Variants in MINPP1 observed in about 807,000 individuals in gnomAD.
MINPP1 encodes multiple inositol polyphosphate phosphatase 1.
A neutral mutation model predicts 46.1 loss-of-function variants in MINPP1; 28 were observed. The observed-to-expected ratio is 0.61, with a 90% CI of 0.45 to 0.83. The LOEUF (loss-of-function observed/expected upper bound fraction) is 0.83, where lower values mean the gene tolerates loss of function less well. Ranked by LOEUF, MINPP1 falls within the 40% of genes least tolerant of loss-of-function variation. MINPP1 has a pLI of 0.00. For missense variants in MINPP1, 603 were observed against 610.0 expected (o/e 0.99, Z 0.12); for synonymous variants, 268 against 249.1 (o/e 1.08, Z -0.72).
At chr10:87,537,511 T>TCTCTGTG (rs113605763) in intron 4 of MINPP1, among the ~76,000 whole-genome samples, 1 of 85,106 alleles carries the variant, frequency 1.2e-5, no homozygotes, top group African/African-American at 3.1e-5. Flanking sequence ...TTATTACTGT[T>TCTCTGTG]TGTGTGTGTG....
chr10:87,521,174 G>A lies in MINPP1; in HGVS notation c.1067+5G>A, dbSNP rs1851495754. The A allele has an allele frequency of 6.2e-7, 1 of 1,609,546 alleles. No homozygotes were observed. Among genetic ancestry groups the A allele is most frequent in the African/African-American group, 1.3e-5 (1 of 74,806 alleles). On this transcript the variant is annotated splice_donor_5th_base_variant and intron_variant, in intron 4 of 4. Coordinates refer to ENST00000371996, the MANE Select transcript of MINPP1 (RefSeq NM_004897.5). ...AGCAGTTGAACAGAAACAAAGGTAA[G>A]AACTTTCTAAAAAATGTGAAGTACA...
intron 2 of MINPP1, chr10:87,509,798 G>A (rs1851309569): frequency 7.7e-6 from 2 of 259,858 alleles, no homozygotes; most frequent in South Asian, 3.7e-5. Context: ...TTGATGTAAT[G>A]TTTGCAATTC....
In MINPP1 at chr10:87,517,354, C is replaced by T. The variant is rs141824566; in HGVS notation, c.934-3682C>T. ...AGACATTTCTCAGGATTCCGTAAAA[C>T]ATGTACCTGTAGCAGAGTATTAGAG... On this transcript the variant is annotated intron_variant, in intron 3 of 4. Transcript: ENST00000371996. 5.5e-3 allele frequency among the ~76,000 whole-genome samples: 836 copies of T among 152,132 alleles called. 12 individuals carry two copies. Among genetic ancestry groups the T allele is most frequent in the African/African-American group, 0.019 (784 of 41,484 alleles).
intron 4 of MINPP1, among the ~76,000 whole-genome samples, chr10:87,550,111 G>C (rs937901335): frequency 5.3e-5 from 8 of 152,112 alleles, no homozygotes; most frequent in African/African-American, 1.9e-4. Context: ...ATGGTCTTAC[G>C]GGTATATATG....
Position 87,552,360 on chromosome 10 carries a change from A to G in MINPP1, c.1346A>G (p.Gln449Arg). The G allele has an allele frequency of 6.2e-7, 1 of 1,613,712 alleles. No individual in the cohort carries two copies. ...NEKVLPLAYS[Q>R]ETVSFYEDLK... ...AAGGTGTTACCTTTGGCTTACTCAC[A>G]AGAAACTGTTTCATTTTATGAAGAT... Residue 449 changes from glutamine (Q) to arginine (R), a missense_variant, in exon 5 of 5, where the codon CAA becomes CGA. By Grantham distance (43) the Gln-to-Arg change is conservative. Transcript: ENST00000371996.
chr10:87,552,501 T>A lies in MINPP1; in HGVS notation c.*23T>A, dbSNP rs1285543719. On this transcript the variant is annotated 3_prime_UTR_variant, in exon 5 of 5. Transcript: ENST00000371996. ...TGAGTAACTGAAGAACATTTTTAATTCTTTAGGAATCTGCAATGAGTGATT... is the reference window on the plus strand; with the variant it reads ...TGAGTAACTGAAGAACATTTTTAATACTTTAGGAATCTGCAATGAGTGATT... 2 of 1,606,938 alleles carry A rather than the reference T, an allele frequency of 1.2e-6. No individual in the cohort carries two copies. The highest frequency in any genetic ancestry group is 1.7e-5 in the Admixed American group (1 of 59,894).
chr10:87,518,259 CT>C lies in MINPP1; in HGVS notation c.934-2765del, dbSNP rs75624180. 8.8e-3 allele frequency among the ~76,000 whole-genome samples: 1,273 copies of C among 144,698 alleles called. 20 individuals are homozygous for C. Among genetic ancestry groups the C allele is most frequent in the African/African-American group, 0.026 (1,036 of 39,888 alleles). 94.9% of individuals were successfully genotyped at this position (144,698 alleles called of 152,430 possible). On this transcript the variant is annotated intron_variant, in intron 3 of 4. Transcript: ENST00000371996. ...CAGGCGTGAGCCACCGCACCCGGCC[CT>C]TTTTTTTTTTTAAATATAAAGTTTT... is the stretch of plus-strand genomic sequence containing the variant.
chr10:87,512,200 C>A (rs1851344623), intron 2 of MINPP1, among the ~76,000 whole-genome samples: 1 of 152,118 alleles, frequency 6.6e-6, no homozygotes, highest in Non-Finnish European at 1.5e-5. Flanking sequence ...TTTTATAGCC[C>A]AAGCATTCAT....
chr10:87,532,813 T>C (rs971199400), intron 4 of MINPP1, among the ~76,000 whole-genome samples: 1 of 152,212 alleles, frequency 6.6e-6, no homozygotes, highest in Non-Finnish European at 1.5e-5. Context: ...AATGGACTTT[T>C]AAAAGTAATT....
Position 87,513,241 on chromosome 10 carries a change from T to G in MINPP1, c.933+20T>G, listed in dbSNP as rs1455112670. The G allele has an allele frequency of 4.4e-6, 7 of 1,594,478 alleles. No individual in the cohort carries two copies. Among genetic ancestry groups the G allele is most frequent in the Non-Finnish European group, 6.0e-6 (7 of 1,164,360 alleles). On this transcript the variant is annotated intron_variant, in intron 3 of 4. Coordinates refer to ENST00000371996, the MANE Select transcript of MINPP1 (RefSeq NM_004897.5). ...GCAAAGGTAAGTATTATTTTTGCAG[T>G]TTCTTTGCTTTTTTAAAAAAATTTT...
At chr10:87,521,357 C>T (rs1437126476) in intron 4 of MINPP1, among the ~76,000 whole-genome samples, 188 bp downstream of exon 4, 1 of 152,084 alleles carries the variant, frequency 6.6e-6, no homozygotes, top group Non-Finnish European at 1.5e-5. Flanking sequence ...TCCACTCTAC[C>T]CAAGAACTAG....
Position 87,505,537 on chromosome 10 carries a change from C to A in MINPP1, c.622C>A (p.Pro208Thr). 1 of 1,607,658 alleles carries A rather than the reference C, an allele frequency of 6.2e-7. No homozygotes were observed. Among genetic ancestry groups the A allele is most frequent in the Non-Finnish European group, 8.5e-7 (1 of 1,179,236 alleles). ...GCAGCACTACCACCCTGGCTTGCCG[C>A]CGCCGGACGTCGCAGGTGACCCCCC... ...LWQHYHPGLPPPDVADMEFGP... is the reference protein window; with the variant it reads ...LWQHYHPGLPTPDVADMEFGP... Residue 208 changes from proline to threonine, a missense_variant, in exon 1 of 5, where the codon CCG (proline) becomes ACG (threonine). By Grantham distance (38) the Pro-to-Thr change is conservative. Transcript: ENST00000371996. The surrounding 1 kb of genome is among the most constrained non-coding windows in gnomAD (Gnocchi z 4.4).
chr10:87,505,178 G>C lies in MINPP1; in HGVS notation c.263G>C (p.Arg88Pro). 5.0e-6 allele frequency: 8 copies of C among 1,609,178 alleles called. No individual in the cohort carries two copies. Among genetic ancestry groups the C allele is most frequent in the Non-Finnish European group, 6.8e-6 (8 of 1,177,916 alleles). Residue 88 changes from arginine to proline, a missense_variant, in exon 1 of 5, where the codon CGC becomes CCC. Around this residue, in one of 3 missense-constraint regions of MINPP1, gnomAD observed 239 missense variants for 189.4 expected, o/e 1.26. Coordinates refer to ENST00000371996, the MANE Select transcript of MINPP1 (RefSeq NM_004897.5). The surrounding 1 kb of genome is among the most constrained non-coding windows in gnomAD (Gnocchi z 4.4). The stretch of plus-strand genomic sequence containing the variant: ...CCGGTGCAGCTGGTCGCCCTCATTC[G>C]CCACGGCACCCGCTACCCCACGGTC... ...CTPVQLVALI[R>P]HGTRYPTVKQ...
intron 4 of MINPP1, among the ~76,000 whole-genome samples, chr10:87,536,397 G>A (rs751974691): frequency 9.9e-5 from 15 of 152,238 alleles, no homozygotes; most frequent in African/African-American, 1.7e-4. Context: ...TTGTTTTGAT[G>A]TGTTTTTTAA....
At chr10:87,508,639 C>G in intron 2 of MINPP1, 106 bp downstream of exon 2, 2 of 1,103,156 alleles carry the variant, frequency 1.8e-6, no homozygotes, top group African/African-American at 3.2e-5. Flanking sequence ...CATAATTGAT[C>G]TACATTAAGA....
At chr10:87,541,204 T>C (rs933179809) in intron 4 of MINPP1, among the ~76,000 whole-genome samples, 5 of 152,244 alleles carry the variant, frequency 3.3e-5, no homozygotes, top group Non-Finnish European at 7.3e-5. Context: ...ATATTAGCTC[T>C]TTGGAAGCTC....
chr10:87,551,681 T>C (rs559601633), intron 4 of MINPP1, among the ~76,000 whole-genome samples: 3 of 152,252 alleles, frequency 2.0e-5, no homozygotes, highest in South Asian at 4.1e-4. Flanking sequence ...AATAACACTT[T>C]ATTCAAAAGA....
chr10:87,543,074 T>C lies in MINPP1; in HGVS notation c.1068-9008T>C, dbSNP rs116171828. Among the ~76,000 whole-genome samples the C allele has an allele frequency of 9.7e-3, 1,477 of 152,298 alleles. 24 individuals carry two copies. Among genetic ancestry groups the C allele is most frequent in the African/African-American group, 0.034 (1,394 of 41,568 alleles). On this transcript the variant is annotated intron_variant, in intron 4 of 4. Transcript: ENST00000371996. ...TGGAAGTGAGGATGTTATTGGGAACTAGAGCAAATGTTACCCCTGTCACAT... is the reference window on the plus strand; with the variant it reads ...TGGAAGTGAGGATGTTATTGGGAACCAGAGCAAATGTTACCCCTGTCACAT...
At position 87,528,363 on chromosome 10, in the gene MINPP1, T is replaced by C. The variant is rs1851608549; in HGVS notation, c.1067+7194T>C. ...GGGCATTTAGTGCTATAAATTTCCC[T>C]GTACACCCTGCTTTAAATGTGTCCC... On this transcript the variant is annotated intron_variant, in intron 4 of 4. Coordinates refer to ENST00000371996, the MANE Select transcript of MINPP1 (RefSeq NM_004897.5). Among the ~76,000 whole-genome samples the C allele has an allele frequency of 2.0e-5, 3 of 152,396 alleles. No individual in the cohort carries two copies. In the South Asian group the frequency reaches 6.2e-4, roughly 32 times the overall value.
Sources: gnomAD v4.1 joint callset for allele counts (sites outside exome capture counted in the v4.1 genomes callset) on GRCh38, gnomAD v4.1.1 for gene constraint, gnomAD v4.1.1 regional missense constraint, Gnocchi (gnomAD v3.1) non-coding constraint, MANE v1.5 for transcripts, NCBI Gene and HGNC (gene_info 2026-07-23, HGNC 2026-07-21) for gene names.